STK32B: variants seen among roughly 807,000 people sequenced by gnomAD.
STK32B encodes serine/threonine kinase 32B.
A neutral mutation model predicts 52.6 loss-of-function variants in STK32B; 43 were observed. The observed-to-expected ratio is 0.82, with a 90% confidence interval of 0.64 to 1.05. STK32B has a LOEUF of 1.05. Ranked by LOEUF, STK32B falls within the 50% of genes least tolerant of loss-of-function variation. The probability of loss-of-function intolerance (pLI) is 0.00; values close to 1 mark genes in which losing one functional copy is unlikely to be tolerated. For missense variants in STK32B, 621 were observed against 534.6 expected (o/e 1.16, Z -1.59); for synonymous variants, 238 against 204.3 (o/e 1.17, Z -1.41).
chr4:5,146,366 G>A (rs1384431375), intron 2 of STK32B, among the ~76,000 whole-genome samples: 1 of 152,180 alleles, frequency 6.6e-6, no homozygotes, highest in Admixed American at 6.5e-5. Context: ...ACTGGTGTAA[G>A]TCCAAGAATC....
At chr4:5,072,963 T>A (rs1012640470) in intron 1 of STK32B, among the ~76,000 whole-genome samples, 2 of 152,140 alleles carry the variant, frequency 1.3e-5, no homozygotes, top group African/African-American at 2.4e-5. Context: ...AAGTATTCTC[T>A]TTATCTCTGA....
chr4:5,128,070 T>C (rs553893383), intron 1 of STK32B, among the ~76,000 whole-genome samples: 2 of 152,302 alleles, frequency 1.3e-5, no homozygotes, highest in South Asian at 4.1e-4. Flanking sequence ...GTCAGGTATA[T>C]GTTTATTAGC....
At chr4:5,261,353 C>T (rs753864506) in intron 3 of STK32B, among the ~76,000 whole-genome samples, 3 of 152,058 alleles carry the variant, frequency 2.0e-5, no homozygotes, top group East Asian at 1.9e-4. Context: ...AGAGGAGAGA[C>T]GAAGGAGGCA....
intron 1 of STK32B, among the ~76,000 whole-genome samples, chr4:5,072,811 T>A (rs1309522893): frequency 2.0e-5 from 3 of 152,172 alleles, no homozygotes; most frequent in African/African-American, 7.2e-5. Context: ...GAGAAAAAAG[T>A]GTTAACATCT....
At chr4:5,082,910 C>T (rs1167626074) in intron 1 of STK32B, among the ~76,000 whole-genome samples, 2 of 152,138 alleles carry the variant, frequency 1.3e-5, no homozygotes, top group Non-Finnish European at 2.9e-5. Flanking sequence ...ATTCACTTTC[C>T]ACTTTCCAAC....
rs369133928 is a variant in STK32B at position 5,488,448 on chromosome 4, T to A, written c.1107-10497T>A. On this transcript the variant is annotated intron_variant, in intron 11 of 11. Coordinates refer to ENST00000282908, the MANE Select transcript of STK32B (RefSeq NM_018401.3). ...TTTTTTATTTAAATATAGGGAACTT[T>A]TTTTTTAGTTTTTTACTAATGTATT... is the stretch of plus-strand genomic sequence containing the variant. 5.9e-5 allele frequency among the ~76,000 whole-genome samples: 9 copies of A among 152,220 alleles called. 1 individual carries two copies. In the East Asian group the frequency reaches 1.3e-3, roughly 23 times the overall value.
chr4:5,072,276 A>C (rs1471880773), intron 1 of STK32B, among the ~76,000 whole-genome samples: 2 of 152,210 alleles, frequency 1.3e-5, no homozygotes, highest in East Asian at 3.9e-4. Flanking sequence ...TGGCAACCCC[A>C]CATTTACATT....
rs143848763 is a variant in STK32B at position 5,453,018 on chromosome 4, C to T, written c.667-3789C>T. 4.4e-3 allele frequency among the ~76,000 whole-genome samples: 671 copies of T among 152,152 alleles called. 8 individuals carry two copies. The highest frequency in any genetic ancestry group is 0.015 in the African/African-American group (643 of 41,510). ...ATTTGCCAGTCATCTTATAAAAGAA[C>T]CTACGTTTCTCTACAACCACTCAAA... On this transcript the variant is annotated intron_variant, in intron 7 of 11. Transcript: ENST00000282908. The surrounding 1 kb of genome is among the most constrained non-coding windows in gnomAD (Gnocchi z 4.0).
intron 4 of STK32B, among the ~76,000 whole-genome samples, chr4:5,373,829 C>T (rs950955433): frequency 3.3e-5 from 5 of 152,206 alleles, no homozygotes; most frequent in South Asian, 4.1e-4. Context: ...CATGATCATG[C>T]TTCCAAGATG....
intron 1 of STK32B, among the ~76,000 whole-genome samples, chr4:5,123,112 GTTC>G (rs1479013244): frequency 5.3e-5 from 8 of 152,106 alleles, no homozygotes; most frequent in Admixed American, 6.5e-5. Context: ...CCACAGAGTG[GTTC>G]TTCTTTCTCC....
At chr4:5,322,796 G>A in intron 3 of STK32B, among the ~76,000 whole-genome samples, 1 of 152,174 alleles carries the variant, frequency 6.6e-6, no homozygotes, top group Non-Finnish European at 1.5e-5. Context: ...CATCAGGTAA[G>A]AGGAGGAGCT....
At chr4:5,113,926 G>GC (rs533816601) in intron 1 of STK32B, among the ~76,000 whole-genome samples, 1 of 28,748 alleles carries the variant, frequency 3.5e-5, no homozygotes, top group African/African-American at 1.1e-4. Context: ...AGGGAAACCC[G>GC]CCCCCCTTTT....
intron 2 of STK32B, among the ~76,000 whole-genome samples, chr4:5,148,259 G>T (rs1717073628): frequency 6.6e-6 from 1 of 151,542 alleles, no homozygotes; most frequent in South Asian, 2.1e-4. Context: ...TTTCATTTCT[G>T]ATATTAGCAG....
At chr4:5,243,743 G>T (rs542182854) in intron 3 of STK32B, among the ~76,000 whole-genome samples, 1 of 152,026 alleles carries the variant, frequency 6.6e-6, no homozygotes, top group Admixed American at 6.6e-5. Flanking sequence ...ATTATTTTGA[G>T]ATATGTCCCA....
intron 4 of STK32B, among the ~76,000 whole-genome samples, chr4:5,372,354 G>A (rs1194717379): frequency 1.3e-5 from 2 of 152,248 alleles, no homozygotes; most frequent in East Asian, 3.9e-4. Context: ...GTCCAGCCGG[G>A]CTGTAGGTGG....
At chr4:5,418,484 T>C (rs1452734906) in intron 6 of STK32B, among the ~76,000 whole-genome samples, 2 of 152,260 alleles carry the variant, frequency 1.3e-5, no homozygotes, top group African/African-American at 4.8e-5. Flanking sequence ...AGCCCATATT[T>C]CTCCATACCT....
At chr4:5,360,174 C>G (rs1030842725) in intron 4 of STK32B, among the ~76,000 whole-genome samples, 1 of 152,122 alleles carries the variant, frequency 6.6e-6, no homozygotes, top group Non-Finnish European at 1.5e-5. Context: ...GTTCAGTTGC[C>G]TGGAAAGACA....
At chr4:5,124,827 G>A (rs535029882) in intron 1 of STK32B, among the ~76,000 whole-genome samples, 2 of 152,246 alleles carry the variant, frequency 1.3e-5, no homozygotes, top group Admixed American at 1.3e-4. Context: ...CACCTACTGG[G>A]TCCTGTAGGA....
rs1004124425 is a variant in STK32B, at chr4:5,399,667, G to C, written c.472+1423G>C. On this transcript the variant is annotated intron_variant, in intron 5 of 11. Coordinates refer to ENST00000282908, the MANE Select transcript of STK32B (RefSeq NM_018401.3). This position sits in a 1 kb window ranked among gnomAD's most constrained non-coding sequence, Gnocchi z 5.4. ...GATGTGGCACTCAGCTGAGCCCCCA[G>C]CCAGCTGAATGTCCTTGGGCCAGTG... Among the ~76,000 whole-genome samples, 1 of 152,218 alleles carries C rather than the reference G, an allele frequency of 6.6e-6. No homozygotes were observed. The highest frequency in any genetic ancestry group is 2.4e-5 in the African/African-American group (1 of 41,458).
Sources: allele counts gnomAD v4.1 joint callset (sites outside exome capture counted in the v4.1 genomes callset), GRCh38; gene constraint gnomAD v4.1.1; non-coding constraint Gnocchi (gnomAD v3.1); transcripts MANE v1.5; gene names NCBI Gene and HGNC (gene_info 2026-07-23, HGNC 2026-07-21).